ADK: variants seen among roughly 807,000 people sequenced by gnomAD.
The protein encoded by ADK is adenosine kinase, also known as N6,N6-dimethyladenosine kinase.
ADK carries 24 observed loss-of-function variants against 44.7 expected under a neutral mutation model. The observed-to-expected ratio is 0.54, with a 90% confidence interval of 0.39 to 0.76. ADK has a LOEUF of 0.76. ADK is among the 30% of genes least tolerant of loss of function. The probability of loss-of-function intolerance (pLI) is 0.00; values close to 1 mark genes in which losing one functional copy is unlikely to be tolerated. For synonymous variants in ADK, 128 were observed against 142.6 expected (o/e 0.90, Z 0.73); for missense variants, 321 against 425.1 (o/e 0.76, Z 2.15).
chr10:74,693,520 A>C (rs1203412068), intron 10 of ADK, among the ~76,000 whole-genome samples: 2 of 152,062 alleles, frequency 1.3e-5, no homozygotes, highest in African/African-American at 4.8e-5. Context: ...TTTCATTGCT[A>C]TCACGTGATA....
At chr10:74,232,536 CAA>C in intron 3 of ADK, among the ~76,000 whole-genome samples, 2 of 114,238 alleles carry the variant, frequency 1.8e-5, no homozygotes, top group Admixed American at 8.6e-5. Context: ...AACAAACAAA[CAA>C]CCCCCCCGCA....
chr10:74,369,655 G>A (rs1199844217), intron 4 of ADK, among the ~76,000 whole-genome samples: 2 of 152,074 alleles, frequency 1.3e-5, no homozygotes, highest in Non-Finnish European at 2.9e-5. Flanking sequence ...CTGATAATTA[G>A]CATCTATAAG....
At chr10:74,567,695 TTTTG>T (rs1200356587) in intron 7 of ADK, among the ~76,000 whole-genome samples, 23 of 131,792 alleles carry the variant, frequency 1.7e-4, no homozygotes, top group African/African-American at 8.3e-4. Flanking sequence ...TTTTTGTTTT[TTTTG>T]TTTTTTTTTT....
At chr10:74,213,211 T>C (rs1409584236) in intron 2 of ADK, among the ~76,000 whole-genome samples, 1 of 152,126 alleles carries the variant, frequency 6.6e-6, no homozygotes, top group Non-Finnish European at 1.5e-5. Flanking sequence ...GCTTAAGCGA[T>C]TCTCTTACCT....
chr10:74,629,995 T>A (rs1032706096), intron 9 of ADK, among the ~76,000 whole-genome samples: 1 of 152,114 alleles, frequency 6.6e-6, no homozygotes, highest in Non-Finnish European at 1.5e-5. Flanking sequence ...TACAAATTAA[T>A]CCTATGGAAT....
chr10:74,202,377 T>C (rs545079366), intron 2 of ADK, among the ~76,000 whole-genome samples: 9 of 152,318 alleles, frequency 5.9e-5, no homozygotes, highest in East Asian at 1.9e-4. Context: ...TGGACACTTA[T>C]GTTGTTTTTA....
intron 4 of ADK, among the ~76,000 whole-genome samples, chr10:74,369,315 C>T (rs537148844): frequency 2.6e-5 from 4 of 152,216 alleles, no homozygotes; most frequent in Admixed American, 1.3e-4. Flanking sequence ...ATGATTGTGC[C>T]GCTGTGCTCC....
chr10:74,557,845 A>T (rs1341337806), intron 7 of ADK, among the ~76,000 whole-genome samples: 1 of 152,230 alleles, frequency 6.6e-6, no homozygotes, highest in Non-Finnish European at 1.5e-5. Context: ...CTTACAGGTC[A>T]TCAATGGATT....
intron 9 of ADK, among the ~76,000 whole-genome samples, chr10:74,600,769 T>C (rs971210052): frequency 7.9e-5 from 12 of 151,900 alleles, no homozygotes; most frequent in Non-Finnish European, 7.4e-5. Flanking sequence ...GAAATATCTT[T>C]CCTGAAAAAA....
intron 4 of ADK, among the ~76,000 whole-genome samples, chr10:74,341,225 C>T (rs1435969645): frequency 6.6e-6 from 1 of 151,940 alleles, no homozygotes. Flanking sequence ...AGGTTTCTTA[C>T]ACTTGCCATA....
At chr10:74,433,117 C>T (rs1326432198) in intron 6 of ADK, among the ~76,000 whole-genome samples, 1 of 152,114 alleles carries the variant, frequency 6.6e-6, no homozygotes, top group Non-Finnish European at 1.5e-5. Context: ...CTGTTGATGA[C>T]AAAATTACCA....
At chr10:74,671,407 A>G (rs907044990) in intron 10 of ADK, among the ~76,000 whole-genome samples, 1 of 152,176 alleles carries the variant, frequency 6.6e-6, no homozygotes, top group Non-Finnish European at 1.5e-5. Flanking sequence ...CATGTTGGGC[A>G]GGCTGGTCAT....
chr10:74,153,205 G>A (rs1302913144), intron 1 of ADK, among the ~76,000 whole-genome samples: 1 of 152,212 alleles, frequency 6.6e-6, no homozygotes, highest in Non-Finnish European at 1.5e-5. Flanking sequence ...AGGGATTTGT[G>A]AGAATTTGGT....
chr10:74,475,148 A>G (rs1225638625), intron 6 of ADK, among the ~76,000 whole-genome samples: 1 of 145,048 alleles, frequency 6.9e-6, no homozygotes, highest in Non-Finnish European at 1.5e-5. Flanking sequence ...CAAAGCAAAC[A>G]AAAAAAAACA....
At chr10:74,607,010 T>C (rs1177942415) in intron 9 of ADK, among the ~76,000 whole-genome samples, 1 of 152,214 alleles carries the variant, frequency 6.6e-6, no homozygotes, top group Non-Finnish European at 1.5e-5. Flanking sequence ...TTTTTGATCT[T>C]TGTTGGTTTA....
chr10:74,171,808 CTCTGTGTG>C (rs1377898470), intron 1 of ADK, among the ~76,000 whole-genome samples: 107 of 142,618 alleles, frequency 7.5e-4, no homozygotes, highest in African/African-American at 1.6e-3. Context: ...CTCTCTGTCT[CTCTGTGTG>C]TGTGTGTGTG....
At position 74,375,432 on chromosome 10, in the gene ADK, T is replaced by C. The variant is rs1277242563; in HGVS notation, c.274-18709T>C. ...TTATATCATTGCCCTTTAAAAAAATTGTAGTTGTGCAAGAATGGATGTAGG... is the reference window on the plus strand; with the variant it reads ...TTATATCATTGCCCTTTAAAAAAATCGTAGTTGTGCAAGAATGGATGTAGG... On this transcript the variant is annotated intron_variant, in intron 4 of 10. Transcript: ENST00000539909. Among the ~76,000 whole-genome samples the C allele has an allele frequency of 3.9e-5, 6 of 152,330 alleles. No homozygotes were observed. In the South Asian group the frequency reaches 6.2e-4, roughly 16 times the overall value.
chr10:74,320,627 G>A (rs1240662962), intron 4 of ADK, among the ~76,000 whole-genome samples: 1 of 151,896 alleles, frequency 6.6e-6, no homozygotes, highest in Non-Finnish European at 1.5e-5. Context: ...TTGGTCTGTG[G>A]TGATTGTTTA....
chr10:74,571,398 G>A (rs891420027), intron 7 of ADK, among the ~76,000 whole-genome samples: 3 of 152,132 alleles, frequency 2.0e-5, no homozygotes, highest in Non-Finnish European at 2.9e-5. Context: ...GTAGAATTCA[G>A]CTGTGAATCC....
Sources: gnomAD v4.1 joint callset for allele counts (sites outside exome capture counted in the v4.1 genomes callset) on GRCh38, gnomAD v4.1.1 for gene constraint, MANE v1.5 for transcripts, NCBI Gene and HGNC (gene_info 2026-07-23, HGNC 2026-07-21) for gene names.